The following CCDC88C variants were observed in gnomAD, a reference collection of about 807,000 sequenced individuals.
CCDC88C encodes coiled-coil and HOOK domain protein 88C.
A neutral mutation model predicts 198.8 loss-of-function variants in CCDC88C; 131 were observed. The observed-to-expected ratio is 0.66, with a 90% CI of 0.57 to 0.76. The LOEUF is 0.76. CCDC88C is among the 30% of genes least tolerant of loss of function. CCDC88C has a pLI of 0.00. For missense variants in CCDC88C, 2,553 were observed against 2,631.6 expected (o/e 0.97, Z 0.65); for synonymous variants, 1,166 against 1,114.7 (o/e 1.05, Z -0.92).
intron 15 of CCDC88C, among the ~76,000 whole-genome samples, chr14:91,311,642 G>A (rs966939132): frequency 6.6e-6 from 1 of 152,164 alleles, no homozygotes; most frequent in Non-Finnish European, 1.5e-5. Flanking sequence ...GACCCTTCAC[G>A]AGTGAGATAA....
At chr14:91,311,231 C>T (rs1008781393) in intron 15 of CCDC88C, among the ~76,000 whole-genome samples, 4 of 152,206 alleles carry the variant, frequency 2.6e-5, no homozygotes, top group Non-Finnish European at 5.9e-5. Flanking sequence ...GGTTGGCTAT[C>T]GTAGCACAGC....
At chr14:91,303,248 C>G (rs73336471) in intron 20 of CCDC88C, among the ~76,000 whole-genome samples, 3,181 of 151,516 alleles carry the variant, frequency 0.021, 100 homozygotes, top group African/African-American at 0.072. Flanking sequence ...GCCTCTCCCC[C>G]GGGCCCTGCC....
At position 91,272,686 on chromosome 14, in the gene CCDC88C, G is replaced by T; in HGVS notation, c.6026C>A (p.Pro2009Gln). The T allele has an allele frequency of 1.2e-6, 2 of 1,611,650 alleles. No individual in the cohort carries two copies. Among genetic ancestry groups the T allele is most frequent in the Non-Finnish European group, 1.7e-6 (2 of 1,179,858 alleles). ...CSRGSVSKSS[P>Q]ASPEPGGDPQ... is the part of the protein sequence containing the mutation. ...ATCCCCGCCGGGCTCCGGGGAGGCC[G>T]GACTGCTCTTTGAGACGCTCCCTCG... The change falls in exon 30 of 30, where the codon CCG becomes CAG. Residue 2009 changes from proline (P) to glutamine (Q), a missense_variant. Pro to Gln is a moderately conservative substitution (Grantham distance 76). Transcript: ENST00000389857.
chr14:91,325,922 G>T lies in CCDC88C; in HGVS notation c.1185C>A (p.His395Gln). 6.4e-7 allele frequency: 1 copy of T among 1,552,436 alleles called. No homozygotes were observed. The highest frequency in any genetic ancestry group is 8.7e-7 in the Non-Finnish European group (1 of 1,147,358). ...KENLQLKSKL[H>Q]DLELDRDTDK... Reference sequence around the variant, plus strand: ...CAGCCTGCAGTACCAATTCCAGGTCGTGAAGCTTGGATTTCAGCTGCAGGT... The same window carrying T: ...CAGCCTGCAGTACCAATTCCAGGTCTTGAAGCTTGGATTTCAGCTGCAGGT... Residue 395 changes from histidine (H) to glutamine (Q), a missense_variant, in exon 11 of 30, where the codon CAC becomes CAA. Physicochemically the swap from His to Gln is conservative, Grantham distance 24 (BLOSUM62 0). Around this residue, in one of 2 missense-constraint regions of CCDC88C, gnomAD observed 1,260 missense variants for 1,412.0 expected, o/e 0.89. Transcript: ENST00000389857. The surrounding 1 kb of genome is among the most constrained non-coding windows in gnomAD (Gnocchi z 4.1).
Position 91,273,480 on chromosome 14 carries a change from C to T in CCDC88C, c.5232G>A (p.Pro1744=), listed in dbSNP as rs775312368. The part of the protein sequence containing the change: ...KMAAPTSEGR[P]LKPGQYVKPN... ...GCTTTACGTACTGCCCGGGCTTCAG[C>T]GGCCTCCCCTCCGAGGTGGGGGCGG... Residue 1744 remains proline (P), a synonymous_variant, in exon 30 of 30, where the codon CCG becomes CCA. Coordinates refer to ENST00000389857, the MANE Select transcript of CCDC88C (RefSeq NM_001080414.4). This position sits in a 1 kb window ranked among gnomAD's most constrained non-coding sequence, Gnocchi z 5.6. 40 of 1,563,782 alleles carry T rather than the reference C, an allele frequency of 2.6e-5. No individual in the cohort carries two copies. Among genetic ancestry groups the T allele is most frequent in the Non-Finnish European group, 3.2e-5 (37 of 1,152,914 alleles).
chr14:91,299,480 C>G (rs142940459), intron 21 of CCDC88C, among the ~76,000 whole-genome samples: 1 of 152,244 alleles, frequency 6.6e-6, no homozygotes, highest in Non-Finnish European at 1.5e-5. Context: ...CAGTGACTCC[C>G]GCATTTCACC....
intron 4 of CCDC88C, among the ~76,000 whole-genome samples, chr14:91,356,803 G>A (rs905613968): frequency 1.3e-5 from 2 of 152,126 alleles, no homozygotes; most frequent in South Asian, 4.1e-4. Context: ...TGTGGTGTTG[G>A]GAGGTGCCTG....
In CCDC88C at chr14:91,273,747, G is replaced by A. The variant is rs1889844706; in HGVS notation, c.5059-94C>T. The A allele has an allele frequency of 5.3e-6, 6 of 1,141,026 alleles. No individual in the cohort carries two copies. The highest frequency in any genetic ancestry group is 2.9e-5 in the East Asian group (1 of 34,980). The allele number at this position is 1,141,026 out of a possible 1,614,324, so 70.7% of individuals were successfully genotyped here. On this transcript the variant is annotated intron_variant, in intron 29 of 29. Transcript: ENST00000389857. The surrounding 1 kb of genome is among the most constrained non-coding windows in gnomAD (Gnocchi z 5.6). The stretch of plus-strand genomic sequence containing the variant: ...CGCGGGACGCCCCCGAGCAGCCCAC[G>A]TGGCTGGGACCGCAGTTCCTGCCTG...
At chr14:91,368,189 A>T (rs1223530577) in intron 3 of CCDC88C, among the ~76,000 whole-genome samples, 1 of 152,196 alleles carries the variant, frequency 6.6e-6, no homozygotes, top group Non-Finnish European at 1.5e-5. Context: ...GGGAACCAAG[A>T]TCTGAAAACC....
chr14:91,322,618 T>A (rs1276848822), intron 12 of CCDC88C, among the ~76,000 whole-genome samples: 1 of 151,442 alleles, frequency 6.6e-6, no homozygotes, highest in African/African-American at 2.4e-5. Flanking sequence ...CTCTGCAGAA[T>A]TCATGGGGGT....
chr14:91,324,681 G>C, intron 12 of CCDC88C, 98 bp downstream of exon 12: 2 of 1,399,798 alleles, frequency 1.4e-6, no homozygotes, highest in East Asian at 2.3e-5. Flanking sequence ...GGGATGAATG[G>C]ATGGGCTAAC....
chr14:91,370,702 G>A (rs533816280), intron 3 of CCDC88C, among the ~76,000 whole-genome samples: 168 of 152,234 alleles, frequency 1.1e-3, no homozygotes, highest in African/African-American at 4.0e-3. Flanking sequence ...GTGATGCCTC[G>A]GCAACCACAG....
chr14:91,293,186 C>T lies in CCDC88C; in HGVS notation c.4112+987G>A, dbSNP rs1390187331. Reference sequence around the variant, plus strand: ...CCCACCTTCCCATCCTCACCTGCCACAGCTCACCTTCCTGTCCCCTCACCT... The same window carrying T: ...CCCACCTTCCCATCCTCACCTGCCATAGCTCACCTTCCTGTCCCCTCACCT... On this transcript the variant is annotated intron_variant, in intron 23 of 29. Coordinates refer to ENST00000389857, the MANE Select transcript of CCDC88C (RefSeq NM_001080414.4). Among the ~76,000 whole-genome samples, 46 of 149,764 alleles carry T rather than the reference C, an allele frequency of 3.1e-4. 1 individual carries two copies. The South Asian group carries it at 9.4e-3, about 31-fold the overall frequency.
intron 13 of CCDC88C, among the ~76,000 whole-genome samples, chr14:91,316,705 C>T (rs967189753): frequency 6.6e-6 from 1 of 152,222 alleles, no homozygotes; most frequent in African/African-American, 2.4e-5. Context: ...AGCCACTGTG[C>T]CCGGCCAACC....
At chr14:91,318,917 CAA>C (rs61183857) in intron 13 of CCDC88C, among the ~76,000 whole-genome samples, 33 of 105,278 alleles carry the variant, frequency 3.1e-4, no homozygotes, top group South Asian at 1.3e-3. Flanking sequence ...AGACTCCGTC[CAA>C]AAAAAAAAAA....
intron 27 of CCDC88C, chr14:91,279,651 G>T (rs1295922178): frequency 2.0e-5 from 4 of 201,406 alleles, no homozygotes; most frequent in Non-Finnish European, 4.1e-5. Context: ...TGAACCAGAG[G>T]TTGAGGTTGC....
intron 3 of CCDC88C, among the ~76,000 whole-genome samples, chr14:91,377,484 G>A (rs1347663129): frequency 2.0e-5 from 3 of 152,120 alleles, no homozygotes; most frequent in Non-Finnish European, 4.4e-5. Context: ...CCGAGCATGG[G>A]ACGCATCATG....
At position 91,288,052 on chromosome 14, in the gene CCDC88C, C is replaced by A. The variant is rs1483636888; in HGVS notation, c.4441+1053G>T. The stretch of plus-strand genomic sequence containing the variant: ...GGTGACAAAACTGACATGGTCATAA[C>A]CAACTCATCTTGGTCCTATTTTCCT... On this transcript the variant is annotated intron_variant, in intron 25 of 29. Transcript: ENST00000389857. This position sits in a 1 kb window ranked among gnomAD's most constrained non-coding sequence, Gnocchi z 4.2. Among the ~76,000 whole-genome samples, 4 of 152,190 alleles carry A rather than the reference C, an allele frequency of 2.6e-5. No individual in the cohort carries two copies. Among genetic ancestry groups the A allele is most frequent in the Non-Finnish European group, 4.4e-5 (3 of 68,036 alleles).
intron 3 of CCDC88C, 76 bp from the exon 4 acceptor site, chr14:91,359,787 T>G: frequency 5.2e-6 from 7 of 1,339,236 alleles, no homozygotes; most frequent in African/African-American, 1.4e-5. Flanking sequence ...AAATTACAAG[T>G]AATGAAGCCC....
Sources: gnomAD v4.1 joint callset for allele counts (sites outside exome capture counted in the v4.1 genomes callset) on GRCh38, gnomAD v4.1.1 for gene constraint, gnomAD v4.1.1 regional missense constraint, Gnocchi (gnomAD v3.1) non-coding constraint, MANE v1.5 for transcripts, NCBI Gene and HGNC (gene_info 2026-07-23, HGNC 2026-07-21) for gene names.